The following GOLM2 variants were observed in gnomAD, a reference collection of about 807,000 sequenced individuals.
GOLM2 encodes protein GOLM2.
In GOLM2, 26 loss-of-function variants were observed where a neutral mutation model predicts 55.9. The ratio of observed to expected loss-of-function variants is 0.47; its 90% CI spans 0.34 to 0.65. The LOEUF is 0.65. GOLM2 is among the 30% of genes least tolerant of loss of function. The pLI is 0.01. For synonymous variants in GOLM2, 165 were observed against 194.6 expected, an observed-to-expected ratio of 0.85 and a Z score of 1.27; for missense variants, 486 against 531.8, an observed-to-expected ratio of 0.91 and a Z score of 0.85.
intron 6 of GOLM2, among the ~76,000 whole-genome samples, chr15:44,343,049 A>G (rs1043961293): frequency 1.3e-5 from 2 of 152,194 alleles, no homozygotes; most frequent in South Asian, 2.1e-4. Flanking sequence ...CTTAGTTTCT[A>G]TTGGCCGGGT....
intron 1 of GOLM2, among the ~76,000 whole-genome samples, chr15:44,290,734 CTTG>C (rs1484910084): frequency 2.6e-5 from 4 of 152,304 alleles, no homozygotes; most frequent in Non-Finnish European, 4.4e-5. Context: ...AGGAAAGTCT[CTTG>C]TTGTAATTAA....
intron 1 of GOLM2, among the ~76,000 whole-genome samples, chr15:44,315,396 G>GT (rs541257175): frequency 1.1e-4 from 16 of 152,190 alleles, no homozygotes; most frequent in African/African-American, 1.7e-4. Context: ...CATTTTCAAG[G>GT]TTCCCCCAAA....
intron 3 of GOLM2, among the ~76,000 whole-genome samples, chr15:44,329,554 GTC>G (rs1163568659): frequency 6.6e-6 from 1 of 152,096 alleles, no homozygotes; most frequent in Non-Finnish European, 1.5e-5. Context: ...AACTTCTTTA[GTC>G]TCTTCCAATT....
intron 6 of GOLM2, among the ~76,000 whole-genome samples, chr15:44,357,249 A>G (rs2079204264): frequency 6.6e-6 from 1 of 152,188 alleles, no homozygotes; most frequent in African/African-American, 2.4e-5. Flanking sequence ...AATCTGGTTT[A>G]ATATTAAAAA....
chr15:44,314,439 A>T (rs1276486013), intron 1 of GOLM2, among the ~76,000 whole-genome samples: 1 of 151,204 alleles, frequency 6.6e-6, no homozygotes, highest in Admixed American at 6.6e-5. Flanking sequence ...TATGCCTGTA[A>T]TCCCACCAAC....
intron 1 of GOLM2, among the ~76,000 whole-genome samples, chr15:44,316,903 A>G (rs1326128076): frequency 6.8e-6 from 1 of 147,688 alleles, no homozygotes; most frequent in Admixed American, 6.7e-5. Context: ...GGAGGATCAC[A>G]TGGGCTTGGG....
chr15:44,395,560 G>A (rs946031337), intron 8 of GOLM2, among the ~76,000 whole-genome samples: 7 of 151,286 alleles, frequency 4.6e-5, no homozygotes, highest in Middle Eastern at 3.2e-3. Flanking sequence ...CTATCTTTAG[G>A]GCCGGGTGCG....
rs1335398153 is a variant in GOLM2 at position 44,363,158 on chromosome 15, A to T, written c.803-16532A>T. ...GCAAGGACTTCATGTCTAAAACACC[A>T]AAAGCAATGGCAACAAAAGCCAAAA... On this transcript the variant is annotated intron_variant, in intron 6 of 9. Transcript: ENST00000299957. 3.9e-5 allele frequency among the ~76,000 whole-genome samples: 6 copies of T among 152,290 alleles called. 1 individual carries two copies. In the East Asian group the frequency reaches 1.2e-3, roughly 29 times the overall value.
chr15:44,321,467 C>CAAA (rs35260808), intron 1 of GOLM2, among the ~76,000 whole-genome samples: 2 of 32,678 alleles, frequency 6.1e-5, no homozygotes, highest in Admixed American at 4.6e-4. Flanking sequence ...GAACATGTCT[C>CAAA]AAAAAAAAAA....
intron 2 of GOLM2, among the ~76,000 whole-genome samples, chr15:44,327,007 G>A (rs2078987318): frequency 6.7e-6 from 1 of 150,062 alleles, no homozygotes; most frequent in East Asian, 2.0e-4. Context: ...AGAGTGCACA[G>A]TGGCGTAATC....
At chr15:44,363,973 C>T (rs1439568571) in intron 6 of GOLM2, among the ~76,000 whole-genome samples, 25 of 151,366 alleles carry the variant, frequency 1.7e-4, no homozygotes, top group Non-Finnish European at 3.2e-4. Flanking sequence ...TATTCTCACT[C>T]ATAGGTGGGA....
intron 6 of GOLM2, among the ~76,000 whole-genome samples, chr15:44,369,083 A>ATATATT (rs1347615871): frequency 1.4e-5 from 1 of 73,504 alleles, no homozygotes; most frequent in Non-Finnish European, 2.8e-5. Context: ...ATATATATAT[A>ATATATT]TATATATATA....
intron 4 of GOLM2, among the ~76,000 whole-genome samples, chr15:44,336,871 G>A (rs773423600): frequency 5.3e-5 from 8 of 152,064 alleles, no homozygotes; most frequent in Non-Finnish European, 1.0e-4. Context: ...AGCCGAGATC[G>A]CGCCACTGCA....
chr15:44,348,312 C>G (rs1384637863), intron 6 of GOLM2, among the ~76,000 whole-genome samples: 6 of 150,788 alleles, frequency 4.0e-5, no homozygotes, highest in African/African-American at 4.9e-5. Context: ...TAGAAGGGAG[C>G]CTGTTGCTCT....
At chr15:44,370,929 G>A (rs185199777) in intron 6 of GOLM2, among the ~76,000 whole-genome samples, 53 of 152,202 alleles carry the variant, frequency 3.5e-4, no homozygotes, top group African/African-American at 1.3e-3. Flanking sequence ...CAAAGCACTG[G>A]GATTGCAGGG....
At chr15:44,315,563 A>C (rs1030654672) in intron 1 of GOLM2, among the ~76,000 whole-genome samples, 5 of 150,996 alleles carry the variant, frequency 3.3e-5, no homozygotes, top group African/African-American at 1.2e-4. Context: ...ATTAAGGGAA[A>C]ATAAATGAAG....
chr15:44,295,804 A>G (rs2078752386), intron 1 of GOLM2, among the ~76,000 whole-genome samples: 1 of 152,092 alleles, frequency 6.6e-6, no homozygotes, highest in Non-Finnish European at 1.5e-5. Context: ...TAAGCACTTT[A>G]AAGACCTTGT....
At chr15:44,369,732 A>T (rs991529056) in intron 6 of GOLM2, among the ~76,000 whole-genome samples, 2 of 151,718 alleles carry the variant, frequency 1.3e-5, no homozygotes, top group Non-Finnish European at 2.9e-5. Context: ...ACATATATAT[A>T]TAAAGGGGAG....
chr15:44,358,927 C>A (rs766634728), intron 6 of GOLM2, among the ~76,000 whole-genome samples: 2 of 151,162 alleles, frequency 1.3e-5, no homozygotes, highest in Non-Finnish European at 3.0e-5. Flanking sequence ...GAGGCTGAGG[C>A]AGGCAGATCA....
Sources: allele counts gnomAD v4.1 joint callset (sites outside exome capture counted in the v4.1 genomes callset), GRCh38; gene constraint gnomAD v4.1.1; transcripts MANE v1.5; gene names NCBI Gene and HGNC (gene_info 2026-07-23, HGNC 2026-07-21).